Variants in GRIK1 observed in about 807,000 individuals in gnomAD.
GRIK1 encodes glutamate ionotropic receptor kainate type subunit 1.
Under a neutral mutation model 105.7 loss-of-function variants are expected in GRIK1, and 69 were observed. The observed-to-expected ratio is 0.65, with a 90% CI of 0.54 to 0.80. GRIK1 has a LOEUF of 0.80. GRIK1 is among the 30% of genes least tolerant of loss of function. GRIK1 has a pLI of 0.00. For synonymous variants in GRIK1, 438 were observed against 431.3 expected (o/e 1.02, Z -0.19); for missense variants, 1,109 against 1,167.3 (o/e 0.95, Z 0.73).
intron 1 of GRIK1, among the ~76,000 whole-genome samples, chr21:29,785,272 C>T (rs759882760): frequency 1.2e-4 from 18 of 152,190 alleles, no homozygotes; most frequent in South Asian, 2.1e-4. Flanking sequence ...CTTTTAAAAA[C>T]GCTACTTCAG....
rs1299233679 is a variant in GRIK1, at chr21:29,661,984, T to C, written c.727-7121A>G. 2.0e-5 allele frequency among the ~76,000 whole-genome samples: 3 copies of C among 152,154 alleles called. No homozygotes were observed. In the East Asian group the frequency reaches 5.8e-4, roughly 29 times the overall value. ...CTATATGATGTATAAATCCAGCCCC[T>C]TTTTCTCCTACCTCCAAGTTAAACT... On this transcript the variant is annotated intron_variant, in intron 4 of 17. Coordinates refer to ENST00000327783, the MANE Select transcript of GRIK1 (RefSeq NM_001330994.2).
chr21:29,692,618 G>A (rs2063606033), intron 2 of GRIK1, among the ~76,000 whole-genome samples: 1 of 151,890 alleles, frequency 6.6e-6, no homozygotes, highest in African/African-American at 2.4e-5. Flanking sequence ...CTGTCACCCA[G>A]GCTGGAGTGC....
At chr21:29,550,710 T>C (rs1328175769) in intron 16 of GRIK1, among the ~76,000 whole-genome samples, 1 of 152,188 alleles carries the variant, frequency 6.6e-6, no homozygotes, top group Non-Finnish European at 1.5e-5. Context: ...AAAACCAATT[T>C]TCTAAACCAG....
intron 2 of GRIK1, among the ~76,000 whole-genome samples, chr21:29,691,554 A>C (rs182763018): frequency 1.6e-4 from 25 of 152,356 alleles, no homozygotes; most frequent in African/African-American, 5.8e-4. Context: ...TTTGCCCTCT[A>C]CAACCATGTA....
At chr21:29,926,628 T>C (rs991083426) in intron 1 of GRIK1, among the ~76,000 whole-genome samples, 2 of 151,718 alleles carry the variant, frequency 1.3e-5, no homozygotes, top group Non-Finnish European at 2.9e-5. Flanking sequence ...TTATGTATCT[T>C]ATATAGTTTT....
chr21:29,659,790 G>A (rs773708495), intron 4 of GRIK1, among the ~76,000 whole-genome samples: 26 of 151,956 alleles, frequency 1.7e-4, no homozygotes, highest in Admixed American at 5.2e-4. Flanking sequence ...GAGAAACCCC[G>A]TCTCTACTAA....
At chr21:29,877,926 A>G (rs540834163) in intron 1 of GRIK1, among the ~76,000 whole-genome samples, 46 of 152,322 alleles carry the variant, frequency 3.0e-4, no homozygotes, top group African/African-American at 8.2e-4. Context: ...TACAAGACCA[A>G]TGAAAAAACA....
intron 7 of GRIK1, among the ~76,000 whole-genome samples, chr21:29,618,163 C>T (rs1217820106): frequency 6.6e-6 from 1 of 152,160 alleles, no homozygotes; most frequent in Non-Finnish European, 1.5e-5. Context: ...TCCTAGGGTT[C>T]CCATAGTTTC....
chr21:29,638,287 G>A (rs2062437786), intron 7 of GRIK1, among the ~76,000 whole-genome samples: 2 of 152,078 alleles, frequency 1.3e-5, no homozygotes, highest in South Asian at 4.1e-4. Context: ...GGAGAGAGAG[G>A]AGAAAGCGAA....
Position 29,651,139 on chromosome 21 carries a change from G to A in GRIK1, c.933C>T (p.Gly311=). 6.2e-7 allele frequency: 1 copy of A among 1,609,148 alleles called. No individual in the cohort carries two copies. Among genetic ancestry groups the A allele is most frequent in the South Asian group, 1.1e-5 (1 of 89,866 alleles). ...TTACTGTCATCATGCCATCCAAAAG[G>A]CCAGTCTCGGGCCTGGGTGGGGCCT... ...RLQAPPRPET[G]LLDGMMTTEA... is the part of the protein sequence containing the mutation. The change falls in exon 6 of 18, where the codon GGC becomes GGT. Residue 311 remains glycine (G), a synonymous_variant. Transcript: ENST00000327783.
intron 8 of GRIK1, among the ~76,000 whole-genome samples, chr21:29,598,080 A>G (rs1271497946): frequency 6.6e-6 from 1 of 152,160 alleles, no homozygotes; most frequent in East Asian, 1.9e-4. Flanking sequence ...TTTCTATAAG[A>G]TTGTCAGTGC....
chr21:29,922,915 G>A (rs923896215), intron 1 of GRIK1, among the ~76,000 whole-genome samples: 1 of 152,066 alleles, frequency 6.6e-6, no homozygotes, highest in African/African-American at 2.4e-5. Context: ...AGACCAGACT[G>A]CAGAACATAA....
intron 1 of GRIK1, among the ~76,000 whole-genome samples, chr21:29,772,804 T>C (rs763872361): frequency 2.0e-5 from 3 of 152,220 alleles, no homozygotes; most frequent in Admixed American, 6.5e-5. Flanking sequence ...CACCACTTAA[T>C]GGTTATGTTG....
chr21:29,654,146 A>G (rs1196706911), intron 5 of GRIK1, among the ~76,000 whole-genome samples: 1 of 151,566 alleles, frequency 6.6e-6, no homozygotes, highest in Non-Finnish European at 1.5e-5. Flanking sequence ...GTAGGTGGGG[A>G]GGTGGGGGCT....
chr21:29,573,660 G>A (rs2090810822), intron 14 of GRIK1, among the ~76,000 whole-genome samples: 1 of 152,078 alleles, frequency 6.6e-6, no homozygotes, highest in Non-Finnish European at 1.5e-5. Context: ...GACCAGCCTG[G>A]CCAACATGGT....
intron 4 of GRIK1, among the ~76,000 whole-genome samples, chr21:29,670,381 C>T (rs999408182): frequency 6.6e-6 from 1 of 152,158 alleles, no homozygotes; most frequent in East Asian, 1.9e-4. Flanking sequence ...CTTGAGAGTG[C>T]CATTCTTGGA....
chr21:29,623,887 A>G (rs1277737739), intron 7 of GRIK1, among the ~76,000 whole-genome samples: 4 of 152,240 alleles, frequency 2.6e-5, no homozygotes, highest in African/African-American at 7.2e-5. Flanking sequence ...TCATAGAGAG[A>G]ATTTCATTTA....
intron 1 of GRIK1, among the ~76,000 whole-genome samples, chr21:29,855,893 G>A (rs1448767124): frequency 6.6e-6 from 1 of 152,144 alleles, no homozygotes; most frequent in Non-Finnish European, 1.5e-5. Flanking sequence ...ATCAAGAGCA[G>A]CTATCTCCTA....
rs531626005 is a variant in GRIK1 at position 29,817,242 on chromosome 21, A to G, written c.118+122141T>C. 2.6e-5 allele frequency among the ~76,000 whole-genome samples: 4 copies of G among 152,238 alleles called. No homozygotes were observed. The South Asian group carries it at 6.2e-4, about 24-fold the overall frequency. On this transcript the variant is annotated intron_variant, in intron 1 of 17. Transcript: ENST00000327783. The stretch of plus-strand genomic sequence containing the variant: ...TAATAACTGTATTATAAGATGTTGC[A>G]TGAATAAAAGTTCATGAGTACATAA...
Sources: gnomAD v4.1 joint callset for allele counts (sites outside exome capture counted in the v4.1 genomes callset) on GRCh38, gnomAD v4.1.1 for gene constraint, MANE v1.5 for transcripts, NCBI Gene and HGNC (gene_info 2026-07-23, HGNC 2026-07-21) for gene names.